The following SEMA3D variants were observed in gnomAD, a reference collection of about 807,000 sequenced individuals.
The protein encoded by SEMA3D is semaphorin-3D.
A neutral mutation model predicts 100.1 loss-of-function variants in SEMA3D; 84 were observed. The observed-to-expected ratio is 0.84, with a 90% CI of 0.70 to 1.01. SEMA3D has a LOEUF of 1.01. Ranked by LOEUF, SEMA3D falls within the 50% of genes least tolerant of loss-of-function variation. SEMA3D has a pLI of 0.00. For synonymous variants in SEMA3D, 312 were observed against 320.7 expected (o/e 0.97, Z 0.29); for missense variants, 875 against 934.1 (o/e 0.94, Z 0.82).
intron 12 of SEMA3D, among the ~76,000 whole-genome samples, chr7:85,031,040 A>C (rs1179637107): frequency 1.3e-5 from 2 of 152,022 alleles, no homozygotes; most frequent in African/African-American, 2.4e-5. Flanking sequence ...GAATTCTATA[A>C]TATATCCTTT....
At chr7:85,148,965 T>A (rs1049187663) in intron 2 of SEMA3D, among the ~76,000 whole-genome samples, 8 of 151,990 alleles carry the variant, frequency 5.3e-5, no homozygotes, top group Non-Finnish European at 1.2e-4. Context: ...TTAGAAACTT[T>A]TTAAAATAAT....
At chr7:85,149,007 A>T (rs1790290985) in intron 2 of SEMA3D, among the ~76,000 whole-genome samples, 1 of 152,174 alleles carries the variant, frequency 6.6e-6, no homozygotes, top group Non-Finnish European at 1.5e-5. Context: ...CAATAAAATA[A>T]ATGAACAGGA....
intron 3 of SEMA3D, among the ~76,000 whole-genome samples, chr7:85,101,736 GT>G (rs1171781478): frequency 6.6e-6 from 1 of 151,920 alleles, no homozygotes; most frequent in East Asian, 1.9e-4. Flanking sequence ...AACTCATATA[GT>G]TCTCATGATG....
rs369263940 is a variant in SEMA3D, at chr7:85,072,990, C to A, written c.467G>T (p.Gly156Val). 14 of 1,608,956 alleles carry A rather than the reference C, an allele frequency of 8.7e-6. No individual in the cohort carries two copies. The highest frequency in any genetic ancestry group is 1.2e-5 in the Non-Finnish European group (14 of 1,176,580). ...CGTGAFHPICGYIDLGVYKED... is the reference protein window; with the variant it reads ...CGTGAFHPICVYIDLGVYKED... ...CTTGTAGACTCCAAGATCAATATAC[C>A]CACATATTGGATGAAATGCTCCAGT... Residue 156 changes from glycine (G) to valine (V), a missense_variant, in exon 6 of 19, where the codon GGG becomes GTG. Transcript: ENST00000284136.
chr7:85,097,370 T>C (rs1425511366), intron 4 of SEMA3D, among the ~76,000 whole-genome samples: 1 of 151,822 alleles, frequency 6.6e-6, no homozygotes, highest in Non-Finnish European at 1.5e-5. Context: ...ATGGTGTTTG[T>C]TATTATAGCC....
rs115606392 is a variant in SEMA3D at position 85,029,109 on chromosome 7, C to G, written c.1192-6496G>C. Reference sequence around the variant, plus strand: ...TTCCTACCAGGCAGACACAGACCTTCACTACCTACTCTGACAAGCCTAGCA... The same window carrying G: ...TTCCTACCAGGCAGACACAGACCTTGACTACCTACTCTGACAAGCCTAGCA... On this transcript the variant is annotated intron_variant, in intron 12 of 18. Coordinates refer to ENST00000284136, the MANE Select transcript of SEMA3D (RefSeq NM_001384900.1). The G allele has an allele frequency of 6.0e-3, 3,597 of 595,118 alleles. 112 individuals carry two copies. The African/African-American group carries it at 0.061, about 10-fold the overall frequency. 36.9% of individuals were successfully genotyped at this position (595,118 alleles called of 1,614,324 possible).
intron 2 of SEMA3D, chr7:85,142,698 TCTAAAAACCC>T: frequency 1.0e-6 from 1 of 974,126 alleles, no homozygotes; most frequent in Non-Finnish European, 1.2e-6. Context: ...TTTTTTAGTG[TCTAAAAACCC>T]CATCAATGTT....
At chr7:85,191,253 A>G (rs1791688829), upstream of SEMA3D, among the ~76,000 whole-genome samples, 1 of 152,126 alleles carries the variant, frequency 6.6e-6, no homozygotes, top group African/African-American at 2.4e-5. Context: ...ATAGGAGTCT[A>G]TATGGTTGTT....
intron 5 of SEMA3D, among the ~76,000 whole-genome samples, chr7:85,079,924 G>A (rs1462472805): frequency 6.6e-6 from 1 of 152,128 alleles, no homozygotes; most frequent in African/African-American, 2.4e-5. Flanking sequence ...GTACCTGTTT[G>A]GTGTTGGACT....
At chr7:85,015,916 A>G (rs1790087400) in intron 15 of SEMA3D, among the ~76,000 whole-genome samples, 1 of 151,650 alleles carries the variant, frequency 6.6e-6, no homozygotes, top group Admixed American at 6.6e-5. Flanking sequence ...GGGGTGATAC[A>G]AGTGAATAAG....
At chr7:85,004,902 C>T (rs934472387) in intron 18 of SEMA3D, among the ~76,000 whole-genome samples, 1 of 151,810 alleles carries the variant, frequency 6.6e-6, no homozygotes, top group African/African-American at 2.4e-5. Context: ...TATTTCTGCT[C>T]CATTGAAATT....
At position 85,112,874 on chromosome 7, in the gene SEMA3D, T is replaced by C. The variant is rs13362823; in HGVS notation, c.151+8867A>G. Among the ~76,000 whole-genome samples, 227 of 152,306 alleles carry C rather than the reference T, an allele frequency of 1.5e-3. 2 individuals are homozygous for C. The highest frequency in any genetic ancestry group is 5.2e-3 in the African/African-American group (218 of 41,574). ...TGAAAAATAAGTTCAAATGAGACAA[T>C]GACTTTTATCTAAAACAATGCCTGG... On this transcript the variant is annotated intron_variant, in intron 3 of 18. Transcript: ENST00000284136.
chr7:85,095,224 G>T (rs1328141948), intron 4 of SEMA3D, among the ~76,000 whole-genome samples: 1 of 151,980 alleles, frequency 6.6e-6, no homozygotes, highest in African/African-American at 2.4e-5. Context: ...ATTACAAAAT[G>T]AATTTTGTGA....
chr7:85,220,265 T>C, the SEMA3D span, among the ~76,000 whole-genome samples: 2 of 151,904 alleles, frequency 1.3e-5, no homozygotes, highest in Non-Finnish European at 1.5e-5. Context: ...TCTTGGGCTA[T>C]GTCAACAAGC....
At chr7:85,156,375 C>T (rs536876206) in intron 1 of SEMA3D, among the ~76,000 whole-genome samples, 41 of 152,232 alleles carry the variant, frequency 2.7e-4, no homozygotes, top group Non-Finnish European at 5.0e-4. Flanking sequence ...GCTGGGATTA[C>T]AGGCGTGAGC....
chr7:85,059,277 A>T (rs1791410010), intron 8 of SEMA3D, among the ~76,000 whole-genome samples: 1 of 152,188 alleles, frequency 6.6e-6, no homozygotes, highest in African/African-American at 2.4e-5. Flanking sequence ...TCATTAACTC[A>T]AGGTCAATAA....
At position 85,145,611 on chromosome 7, in the gene SEMA3D, G is replaced by A. The variant is rs566188243; in HGVS notation, c.-41+7997C>T. Among the ~76,000 whole-genome samples, 195 of 152,058 alleles carry A rather than the reference G, an allele frequency of 1.3e-3. 1 individual carries two copies. Among genetic ancestry groups the A allele is most frequent in the Non-Finnish European group, 2.4e-3 (166 of 67,952 alleles). ...GTCACCAAGCAAGATGATAGAGTAT[G>A]TTTAATAATACAAAAAGCCAAAAAA... is the stretch of plus-strand genomic sequence containing the variant. On this transcript the variant is annotated intron_variant, in intron 2 of 18. Coordinates refer to ENST00000284136, the MANE Select transcript of SEMA3D (RefSeq NM_001384900.1).
chr7:85,099,181 C>A (rs1788668187), intron 3 of SEMA3D, among the ~76,000 whole-genome samples: 2 of 151,934 alleles, frequency 1.3e-5, no homozygotes, highest in African/African-American at 4.8e-5. Context: ...TTGGCTGTGT[C>A]CCCACCCAAA....
chr7:85,166,795 A>G (rs1790919143), intron 1 of SEMA3D, among the ~76,000 whole-genome samples: 1 of 151,894 alleles, frequency 6.6e-6, no homozygotes, highest in Non-Finnish European at 1.5e-5. Context: ...AGGTTCAGTG[A>G]GTCGGTAAGG....
Sources: allele counts gnomAD v4.1 joint callset (sites outside exome capture counted in the v4.1 genomes callset), GRCh38; gene constraint gnomAD v4.1.1; transcripts MANE v1.5; gene names NCBI Gene and HGNC (gene_info 2026-07-23, HGNC 2026-07-21).